Variants in FLYWCH1 observed in about 807,000 individuals in gnomAD.
The protein encoded by FLYWCH1 is FLYWCH-type zinc finger-containing protein 1.
FLYWCH1 carries 75 observed loss-of-function variants against 66.4 expected under a neutral mutation model. That is an observed-to-expected ratio of 1.13 (90% CI 0.94 to 1.37). The LOEUF is 1.37. FLYWCH1 is among the 40% of genes most tolerant of loss of function. The probability of loss-of-function intolerance (pLI) is 0.00; values close to 1 mark genes in which losing one functional copy is unlikely to be tolerated. For missense variants in FLYWCH1, 1,334 were observed against 1,001.8 expected, an observed-to-expected ratio of 1.33 and a Z score of -4.48; for synonymous variants, 595 against 429.9, an observed-to-expected ratio of 1.38 and a Z score of -4.75.
At chr16:2,928,019 TGAA>T (rs2070633318) in intron 2 of FLYWCH1, among the ~76,000 whole-genome samples, 1 of 152,196 alleles carries the variant, frequency 6.6e-6, no homozygotes, top group South Asian at 2.1e-4. Context: ...ATCTGTATCA[TGAA>T]GAAGTTCAAG....
chr16:2,919,176 C>T (rs901476677), intron 2 of FLYWCH1, among the ~76,000 whole-genome samples: 1 of 152,108 alleles, frequency 6.6e-6, no homozygotes, highest in Non-Finnish European at 1.5e-5. Flanking sequence ...ACCTCAGCCT[C>T]CCAAAGTGCT....
chr16:2,914,637 GTCTGTAA>G (rs2070104543), intron 2 of FLYWCH1, among the ~76,000 whole-genome samples: 1 of 152,134 alleles, frequency 6.6e-6, no homozygotes, highest in African/African-American at 2.4e-5. Context: ...GGTGGTTCAC[GTCTGTAA>G]TCCCAGCACT....
At position 2,933,294 on chromosome 16, in the gene FLYWCH1, C is replaced by T. The variant is rs753694802; in HGVS notation, c.961C>T (p.Gln321Ter). The T allele has an allele frequency of 1.2e-6, 2 of 1,612,176 alleles. No homozygotes were observed. Among genetic ancestry groups the T allele is most frequent in the South Asian group, 1.1e-5 (1 of 90,876 alleles). The stretch of plus-strand genomic sequence containing the variant: ...CCGGAGCCGGGCCATCACCCAGGGA[C>T]AGCGGGTGACTGTGATGCGTGGGCA... ...GCRSRAITQG[Q>*]RVTVMRGHCH... The change falls in exon 5 of 10, where the codon CAG becomes TAG. Residue 321 changes from glutamine to a stop codon, truncating the protein, a stop_gained. Coordinates refer to ENST00000253928, the MANE Select transcript of FLYWCH1 (RefSeq NM_001308068.2). LOFTEE classifies it high-confidence loss of function.
chr16:2,926,992 A>G (rs2070590095), intron 2 of FLYWCH1, among the ~76,000 whole-genome samples: 1 of 152,202 alleles, frequency 6.6e-6, no homozygotes, highest in Non-Finnish European at 1.5e-5. Context: ...CAGTATCCAC[A>G]ATATCAGCCA....
At chr16:2,919,975 G>C (rs112709439) in intron 2 of FLYWCH1, among the ~76,000 whole-genome samples, 2 of 152,094 alleles carry the variant, frequency 1.3e-5, no homozygotes, top group Non-Finnish European at 2.9e-5. Flanking sequence ...TCCTGCTCTC[G>C]AGGGGGATAC....
chr16:2,938,130 GCCCTGCCACCCAGGC>G, intron 7 of FLYWCH1, 39 bp from the exon 8 acceptor site: 1 of 1,559,976 alleles, frequency 6.4e-7, no homozygotes, highest in Non-Finnish European at 8.7e-7. Context: ...CAGACCCCCA[GCCCTGCCACCCAGGC>G]CCCTGTGGCC....
At chr16:2,924,832 C>A (rs903573413) in intron 2 of FLYWCH1, among the ~76,000 whole-genome samples, 2 of 152,196 alleles carry the variant, frequency 1.3e-5, no homozygotes, top group Non-Finnish European at 1.5e-5. Context: ...CGGTCAGGGC[C>A]TTTTCTTGTA....
intron 2 of FLYWCH1, among the ~76,000 whole-genome samples, chr16:2,917,698 T>C (rs1312407374): frequency 1.3e-5 from 2 of 152,148 alleles, no homozygotes; most frequent in Non-Finnish European, 2.9e-5. Flanking sequence ...AGGTCATCTA[T>C]TCTAGTGTTT....
Position 2,929,701 on chromosome 16 carries a change from C to T in FLYWCH1, c.16C>T (p.Pro6Ser), listed in dbSNP as rs2070692813. 1.2e-6 allele frequency: 2 copies of T among 1,612,162 alleles called. No homozygotes were observed. Among genetic ancestry groups the T allele is most frequent in the Non-Finnish European group, 1.7e-6 (2 of 1,179,152 alleles). Residue 6 changes from proline (P) to serine (S), a missense_variant, in exon 3 of 10, where the codon CCC becomes TCC. Transcript: ENST00000253928. MPLPE[P>S]SEQEGESVKA... ...GGGTCCCGGGATGCCCCTGCCCGAG[C>T]CCAGCGAGCAGGAGGGCGAGAGTGT...
At position 2,933,463 on chromosome 16, in the gene FLYWCH1, G is replaced by C. The variant is rs373786669; in HGVS notation, c.1130G>C (p.Gly377Ala). ...RGVDSLLYRR[G>A]PGPLTLTRPR... ...GTGGATAGTTTGCTCTACCGCAGGG[G>C]TCCGGGTCCCCTGACTCTCACCAGG... The change falls in exon 5 of 10, where the codon GGT becomes GCT. Residue 377 changes from glycine (G) to alanine (A), a missense_variant. Physicochemically the swap from Gly to Ala is moderately conservative, Grantham distance 60. Coordinates refer to ENST00000253928, the MANE Select transcript of FLYWCH1 (RefSeq NM_001308068.2). 1 of 1,602,746 alleles carries C rather than the reference G, an allele frequency of 6.2e-7. No homozygotes were observed. The highest frequency in any genetic ancestry group is 1.3e-5 in the African/African-American group (1 of 74,744).
intron 6 of FLYWCH1, 23 bp downstream of exon 6, chr16:2,934,002 C>T (rs1408673761): frequency 6.7e-7 from 1 of 1,498,704 alleles, no homozygotes; most frequent in Non-Finnish European, 8.9e-7. Context: ...GGGCTGGGAG[C>T]TGGGCCCCAG....
rs1238430355 is a variant in FLYWCH1 at position 2,937,298 on chromosome 16, G to A, written c.1691G>A (p.Arg564Lys). The A allele has an allele frequency of 6.2e-7, 1 of 1,604,482 alleles. No homozygotes were observed. Among genetic ancestry groups the A allele is most frequent in the East Asian group, 2.2e-5 (1 of 44,492 alleles). ...TQGRRVMVMRRHCHPPDLGGL... is the reference protein window; with the variant it reads ...TQGRRVMVMRKHCHPPDLGGL... ...GGCCGGCGGGTCATGGTCATGCGCA[G>A]GCACTGCCACCCACCGGACCTGGGC... Residue 564 changes from arginine (R) to lysine (K), a missense_variant, in exon 7 of 10, where the codon AGG becomes AAG. Physicochemically the swap from Arg to Lys is conservative, Grantham distance 26. Transcript: ENST00000253928.
rs561963123 is a variant in FLYWCH1 at position 2,920,446 on chromosome 16, G to A, written c.-74+6157G>A. On this transcript the variant is annotated intron_variant, in intron 2 of 9. Transcript: ENST00000253928. The stretch of plus-strand genomic sequence containing the variant: ...CTGAGAATCGCTTGACCCAGGAGGC[G>A]GAGGTTGCAGTGAGCTAAGATTACG... 8.1e-4 allele frequency among the ~76,000 whole-genome samples: 123 copies of A among 151,908 alleles called. No homozygotes were observed. The South Asian group carries it at 0.024, about 30-fold the overall frequency.
At chr16:2,943,536 AGACACAAAACATTT>A (rs2071357491) in intron 9 of FLYWCH1, 1 of 151,738 alleles carries the variant, frequency 6.6e-6, no homozygotes, top group Admixed American at 6.6e-5. Flanking sequence ...ATCACTGAAT[AGACACAAAACATTT>A]GACAACCTCC....
At chr16:2,946,480 C>T (rs11864834) in intron 9 of FLYWCH1, among the ~76,000 whole-genome samples, 1 of 151,570 alleles carries the variant, frequency 6.6e-6, no homozygotes, top group Non-Finnish European at 1.5e-5. Context: ...TGTCACCACA[C>T]CTGGCTAATT....
Position 2,929,622 on chromosome 16 carries a change from A to G in FLYWCH1, c.-64A>G, listed in dbSNP as rs1048612265. 19 of 1,529,928 alleles carry G rather than the reference A, an allele frequency of 1.2e-5. No homozygotes were observed. The African/African-American group carries it at 1.5e-4, about 12-fold the overall frequency. 94.8% of individuals were successfully genotyped at this position (1,529,928 alleles called of 1,614,324 possible). On this transcript the variant is annotated 5_prime_UTR_variant, in exon 3 of 10. Transcript: ENST00000253928. ...TTGCTTCCTTCCTTAGGACGGAACC[A>G]CTGCACTCCAGGTTCCTTGCTGGGT...
At chr16:2,933,609 C>A in intron 5 of FLYWCH1, 27 bp downstream of exon 5, 1 of 1,568,330 alleles carries the variant, frequency 6.4e-7, no homozygotes, top group East Asian at 2.3e-5. Context: ...TGGGGCTCAC[C>A]GGCCCTGCCT....
rs1301767363 is a variant in FLYWCH1 at position 2,949,330 on chromosome 16, A to G, written c.*603A>G. The stretch of plus-strand genomic sequence containing the variant: ...CCAGAGGCCTCGCTCCGCACTCCAC[A>G]CTTTCCTTTCTGTGCTCCTTCCAAG... On this transcript the variant is annotated 3_prime_UTR_variant, in exon 10 of 10. Transcript: ENST00000253928. 1 of 152,408 alleles carries G rather than the reference A, an allele frequency of 6.6e-6. No homozygotes were observed. The highest frequency in any genetic ancestry group is 2.4e-5 in the African/African-American group (1 of 41,400). The allele number at this position is 152,408 out of a possible 1,614,324, so 9.4% of individuals were successfully genotyped here. A position where few individuals can be genotyped will look rare whatever the true frequency, so the allele number is the denominator to read the frequency against.
chr16:2,938,528 C>A, intron 8 of FLYWCH1, 72 bp downstream of exon 8: 1 of 1,417,950 alleles, frequency 7.1e-7, no homozygotes, highest in South Asian at 1.6e-5. Context: ...ACTGATGCCC[C>A]AGGCCAGGCA....
Sources: gnomAD v4.1 joint callset for allele counts (sites outside exome capture counted in the v4.1 genomes callset) on GRCh38, gnomAD v4.1.1 for gene constraint, MANE v1.5 for transcripts, NCBI Gene and HGNC (gene_info 2026-07-23, HGNC 2026-07-21) for gene names.